ATP8B1: variants seen among roughly 807,000 people sequenced by gnomAD.
ATP8B1 encodes phospholipid-transporting ATPase IC.
ATP8B1 carries 80 observed loss-of-function variants against 149.9 expected under a neutral mutation model. That is an observed-to-expected ratio of 0.53 (90% CI 0.45 to 0.64). The LOEUF is 0.64. Among genes scored for constraint, ATP8B1 ranks in the 30% least tolerant of loss-of-function variants. The pLI is 0.00. For synonymous variants in ATP8B1, 536 were observed against 562.8 expected (o/e 0.95, Z 0.67); for missense variants, 1,247 against 1,552.6 (o/e 0.80, Z 3.31).
intron 2 of ATP8B1, among the ~76,000 whole-genome samples, chr18:57,719,692 C>T (rs1050005759): frequency 8.5e-5 from 13 of 152,164 alleles, no homozygotes; most frequent in African/African-American, 2.7e-4. Context: ...GAGAGGTGCC[C>T]GCCATTGCCC....
intron 1 of ATP8B1, among the ~76,000 whole-genome samples, chr18:57,775,792 G>T (rs769214495): frequency 9.9e-5 from 15 of 151,954 alleles, no homozygotes; most frequent in Non-Finnish European, 2.2e-4. Context: ...TTACAGACAT[G>T]TGCCACCACA....
At position 57,688,519 on chromosome 18, in the gene ATP8B1, GA is replaced by G. The variant is rs1912374931; in HGVS notation, c.1221-13del. The G allele has an allele frequency of 6.2e-7, 1 of 1,613,622 alleles. No individual in the cohort carries two copies. Among genetic ancestry groups the G allele is most frequent in the African/African-American group, 1.3e-5 (1 of 74,926 alleles). On this transcript the variant is annotated splice_polypyrimidine_tract_variant and intron_variant, in intron 12 of 27. Coordinates refer to ENST00000648908, the MANE Select transcript of ATP8B1 (RefSeq NM_001374385.1). ...GAATCACTTCCACGCTAGGAAGACA[GA>G]AGATTATTTTCCGTAGAGAGCTCGG...
chr18:57,667,046 C>T, intron 20 of ATP8B1, 46 bp downstream of exon 20: 3 of 1,511,582 alleles, frequency 2.0e-6, no homozygotes, highest in Non-Finnish European at 2.8e-6. Flanking sequence ...CTTGCATTTG[C>T]AAAGATGAGC....
intron 1 of ATP8B1, among the ~76,000 whole-genome samples, chr18:57,768,264 G>T (rs1437448011): frequency 1.3e-5 from 2 of 151,542 alleles, no homozygotes; most frequent in South Asian, 4.2e-4. Context: ...GGGGGCACCT[G>T]TAGTCCCAGC....
At position 57,698,492 on chromosome 18, in the gene ATP8B1, G is replaced by A. The variant is rs117123349; in HGVS notation, c.555-625C>T. On this transcript the variant is annotated intron_variant, in intron 6 of 27. Transcript: ENST00000648908. ...CCCGAGTAGCTGGGACTACAGGCAC[G>A]TGCCTTCACGCCTGACTAATTTTTT... Among the ~76,000 whole-genome samples the A allele has an allele frequency of 8.1e-3, 1,227 of 152,018 alleles. 1 individual carries two copies. Among genetic ancestry groups the A allele is most frequent in the Non-Finnish European group, 0.013 (877 of 67,982 alleles).
chr18:57,785,863 C>T (rs2080403033), intron 1 of ATP8B1, among the ~76,000 whole-genome samples: 1 of 152,184 alleles, frequency 6.6e-6, no homozygotes, highest in East Asian at 1.9e-4. Context: ...CAAGAAAGAA[C>T]TTGGTTATTC....
intron 15 of ATP8B1, among the ~76,000 whole-genome samples, chr18:57,681,773 C>T (rs1224421715): frequency 6.6e-6 from 1 of 152,070 alleles, no homozygotes; most frequent in African/African-American, 2.4e-5. Flanking sequence ...TGCACTCCAG[C>T]CTGGGTGACA....
In ATP8B1 at chr18:57,784,877, G is replaced by A. The variant is rs1045631295; in HGVS notation, c.-26+18121C>T. ...GTATCCCTGGCCTTGACCACTGGAC[G>A]CTTGTAGCATCCTGAATTGTGACAA... is the stretch of plus-strand genomic sequence containing the variant. On this transcript the variant is annotated intron_variant, in intron 1 of 27. Transcript: ENST00000648908. This position sits in a 1 kb window ranked among gnomAD's most constrained non-coding sequence, Gnocchi z 4.4. 3.9e-5 allele frequency among the ~76,000 whole-genome samples: 6 copies of A among 152,116 alleles called. No individual in the cohort carries two copies. Among genetic ancestry groups the A allele is most frequent in the Admixed American group, 3.3e-4 (5 of 15,270 alleles).
At chr18:57,763,210 T>C (rs890449430) in intron 1 of ATP8B1, among the ~76,000 whole-genome samples, 1 of 152,088 alleles carries the variant, frequency 6.6e-6, no homozygotes, top group Admixed American at 6.6e-5. Context: ...CTGACCAACA[T>C]GGAGAGGCCC....
chr18:57,672,910 A>G lies in ATP8B1; in HGVS notation c.1820-1330T>C, dbSNP rs1389157702. 2.8e-4 allele frequency among the ~76,000 whole-genome samples: 21 copies of G among 75,288 alleles called. No individual in the cohort carries two copies. In the East Asian group the frequency reaches 4.5e-3, roughly 16 times the overall value. The allele number at this position is 75,288 out of a possible 152,430, so 49.4% of individuals were successfully genotyped here. A position where few individuals can be genotyped will look rare whatever the true frequency, so the allele number is the denominator to read the frequency against. On this transcript the variant is annotated intron_variant, in intron 16 of 27. Coordinates refer to ENST00000648908, the MANE Select transcript of ATP8B1 (RefSeq NM_001374385.1). ...AGTATATATATATATATATATATAT[A>G]TATATATATATATATATATATAACA...
chr18:57,686,753 C>A (rs1299081203), intron 13 of ATP8B1, among the ~76,000 whole-genome samples: 1 of 151,978 alleles, frequency 6.6e-6, no homozygotes, highest in Non-Finnish European at 1.5e-5. Flanking sequence ...CCAGGCTGGT[C>A]TCAAAGTCCT....
Position 57,687,773 on chromosome 18 carries a change from ATTTTTTTTTTTTTTT to A in ATP8B1, c.1429+511_1429+525del, listed in dbSNP as rs11342488. On this transcript the variant is annotated intron_variant, in intron 13 of 27. Transcript: ENST00000648908. The stretch of plus-strand genomic sequence containing the variant: ...AGATCATATAGTAATGAGACTTCTA[ATTTTTTTTTTTTTTT>A]TTTTTTTTTTTAGACAGAGTCTTGC... Among the ~76,000 whole-genome samples, 298 of 95,272 alleles carry A rather than the reference ATTTTTTTTTTTTTTT, an allele frequency of 3.1e-3. 8 individuals carry two copies. In the East Asian group the frequency reaches 0.078, roughly 25 times the overall value. The allele number at this position is 95,272 out of a possible 152,430, so 62.5% of individuals were successfully genotyped here.
Position 57,695,261 on chromosome 18 carries a change from T to G in ATP8B1, c.850A>C (p.Thr284Pro). 6.2e-7 allele frequency: 1 copy of G among 1,613,812 alleles called. No homozygotes were observed. Among genetic ancestry groups the G allele is most frequent in the Non-Finnish European group, 8.5e-7 (1 of 1,179,712 alleles). Residue 284 changes from threonine (T) to proline (P), a missense_variant, in exon 10 of 28, where the codon ACA becomes CCA. Around this residue, in one of 3 missense-constraint regions of ATP8B1, gnomAD observed 853 missense variants for 1,035.7 expected, o/e 0.82. Transcript: ENST00000648908. ...TTATCAGCATCCAAAGGAAAACTTG[T>G]GTTTCTCCAAAATAGTGTTCCTGTA... is the stretch of plus-strand genomic sequence containing the variant. ...KFTGTLFWRN[T>P]SFPLDADKIL...
At chr18:57,773,697 C>A (rs935721104) in intron 1 of ATP8B1, among the ~76,000 whole-genome samples, 1 of 152,148 alleles carries the variant, frequency 6.6e-6, no homozygotes, top group Non-Finnish European at 1.5e-5. Flanking sequence ...GGCTTCCTCA[C>A]GTCAGTAAAA....
chr18:57,658,375 C>T (rs985730654), intron 22 of ATP8B1, among the ~76,000 whole-genome samples: 6 of 152,116 alleles, frequency 3.9e-5, no homozygotes, highest in Non-Finnish European at 7.3e-5. Context: ...TCCTGCTTCA[C>T]GTACATTCTC....
At position 57,787,403 on chromosome 18, in the gene ATP8B1, C is replaced by T. The variant is rs2080419731; in HGVS notation, c.-26+15595G>A. Among the ~76,000 whole-genome samples, 3 of 134,664 alleles carry T rather than the reference C, an allele frequency of 2.2e-5. No individual in the cohort carries two copies. The South Asian group carries it at 7.4e-4, about 33-fold the overall frequency. 88.3% of individuals were successfully genotyped at this position (134,664 alleles called of 152,430 possible). On this transcript the variant is annotated intron_variant, in intron 1 of 27. Transcript: ENST00000648908. Reference sequence around the variant, plus strand: ...TGCGAGAGGAGCTCCATCTAGAGCACTGCGGGAGGAGCTCCATCTAGAACA... The same window carrying T: ...TGCGAGAGGAGCTCCATCTAGAGCATTGCGGGAGGAGCTCCATCTAGAACA...
chr18:57,697,902 T>C, intron 6 of ATP8B1, 35 bp from the exon 7 acceptor site: 1 of 1,539,644 alleles, frequency 6.5e-7, no homozygotes, highest in Non-Finnish European at 9.0e-7. Context: ...TTATTGACAT[T>C]TTAAGTTACA....
In ATP8B1 at chr18:57,731,376, C is replaced by CAG; in HGVS notation, c.181+250_181+251insCT. ...ATATATATATATATATATATATATACACACACTAACAAAGACCTTAATGTA... is the reference window on the plus strand; with the variant it reads ...ATATATATATATATATATATATATACAGACACACTAACAAAGACCTTAATGTA... On this transcript the variant is annotated intron_variant, in intron 2 of 27. Coordinates refer to ENST00000648908, the MANE Select transcript of ATP8B1 (RefSeq NM_001374385.1). 2 of 252,716 alleles carry CAG rather than the reference C, an allele frequency of 7.9e-6. 1 individual carries two copies. Among genetic ancestry groups the CAG allele is most frequent in the South Asian group, 6.6e-5 (2 of 30,258 alleles). The allele number at this position is 252,716 out of a possible 1,614,324, so 15.7% of individuals were successfully genotyped here.
intron 1 of ATP8B1, among the ~76,000 whole-genome samples, chr18:57,732,426 G>C (rs930059156): frequency 2.0e-5 from 3 of 150,314 alleles, no homozygotes; most frequent in African/African-American, 7.4e-5. Flanking sequence ...AATTTAGTGG[G>C]TAACAATCAA....
Sources: gnomAD v4.1 joint callset for allele counts (sites outside exome capture counted in the v4.1 genomes callset) on GRCh38, gnomAD v4.1.1 for gene constraint, gnomAD v4.1.1 regional missense constraint, Gnocchi (gnomAD v3.1) non-coding constraint, MANE v1.5 for transcripts, NCBI Gene and HGNC (gene_info 2026-07-23, HGNC 2026-07-21) for gene names.